ARID5B: variants seen among roughly 807,000 people sequenced by gnomAD.
The protein encoded by ARID5B is AT-rich interaction domain 5B.
Under a neutral mutation model 97.2 loss-of-function variants are expected in ARID5B, and 13 were observed. That is an observed-to-expected ratio of 0.13 (90% confidence interval 0.09 to 0.21). ARID5B has a LOEUF of 0.21. ARID5B is among the 10% of genes least tolerant of loss of function. The pLI, the probability that ARID5B is intolerant of heterozygous loss-of-function variation, is 1.00. For missense variants in ARID5B, 1,210 were observed against 1,465.3 expected (o/e 0.83, Z 2.84); for synonymous variants, 556 against 570.3 (o/e 0.97, Z 0.36).
rs138431137 is a variant in ARID5B, at chr10:61,975,543, C to T, written c.503-24548C>T. Among the ~76,000 whole-genome samples, 40 of 152,016 alleles carry T rather than the reference C, an allele frequency of 2.6e-4. No individual in the cohort carries two copies. The East Asian group carries it at 6.2e-3, about 23-fold the overall frequency. On this transcript the variant is annotated intron_variant, in intron 3 of 9. Transcript: ENST00000279873. The stretch of plus-strand genomic sequence containing the variant: ...CATCCTAGACAAGTCACTGAGTCTC[C>T]GATCCTCTTTTTTTTTTGGCTACCA...
intron 8 of ARID5B, among the ~76,000 whole-genome samples, chr10:62,078,664 G>A (rs544940261): frequency 1.3e-5 from 2 of 152,158 alleles, no homozygotes; most frequent in East Asian, 1.9e-4. Flanking sequence ...TTAATCCCTG[G>A]GACATAACAT....
chr10:62,089,394 G>A (rs922159114), intron 9 of ARID5B, among the ~76,000 whole-genome samples: 4 of 151,806 alleles, frequency 2.6e-5, no homozygotes, highest in Admixed American at 6.6e-5. Context: ...TTGTTCCCAC[G>A]TATTCCTAAA....
intron 4 of ARID5B, among the ~76,000 whole-genome samples, chr10:62,028,111 ATC>A (rs1279244209): frequency 2.0e-5 from 3 of 152,184 alleles, no homozygotes; most frequent in Admixed American, 2.0e-4. Flanking sequence ...CAAGAATCCT[ATC>A]TCATATTTCT....
At chr10:62,049,553 C>T (rs937410575) in intron 4 of ARID5B, 4 of 1,546,618 alleles carry the variant, frequency 2.6e-6, no homozygotes, top group Admixed American at 3.9e-5. Flanking sequence ...TCCAGGCTGG[C>T]TTTCTGGGAT....
chr10:62,042,065 G>A (rs556326212), intron 4 of ARID5B, among the ~76,000 whole-genome samples: 18 of 152,256 alleles, frequency 1.2e-4, no homozygotes, highest in African/African-American at 4.3e-4. Context: ...AAATCAAAAT[G>A]TCCTTAAAAC....
intron 8 of ARID5B, among the ~76,000 whole-genome samples, chr10:62,072,487 G>A (rs1244041232): frequency 6.6e-6 from 1 of 152,224 alleles, no homozygotes; most frequent in African/African-American, 2.4e-5. Context: ...GTACAGAAGG[G>A]TGGATTTGGA....
intron 3 of ARID5B, among the ~76,000 whole-genome samples, chr10:61,969,861 C>G (rs1838601327): frequency 6.6e-6 from 1 of 152,058 alleles, no homozygotes; most frequent in South Asian, 2.1e-4. Flanking sequence ...GTCTTGATTT[C>G]CGTACTAAAT....
In ARID5B at chr10:62,096,804, G is replaced by A. The variant is rs561825967; in HGVS notation, c.*3774G>A. The A allele has an allele frequency of 4.3e-6, 1 of 233,526 alleles. No homozygotes were observed. The highest frequency in any genetic ancestry group is 1.8e-4 in the South Asian group (1 of 5,524). The allele number at this position is 233,526 out of a possible 1,614,324, so 14.5% of individuals were successfully genotyped here. ...GAGCCAACTATAAACACTCAATTTT[G>A]TATGTTTTCCAAATTGTACTTATTA... is the stretch of plus-strand genomic sequence containing the variant. On this transcript the variant is annotated 3_prime_UTR_variant, in exon 10 of 10. Transcript: ENST00000279873.
At chr10:61,995,897 T>C (rs1453458655) in intron 3 of ARID5B, among the ~76,000 whole-genome samples, 3 of 152,150 alleles carry the variant, frequency 2.0e-5, no homozygotes, top group Non-Finnish European at 2.9e-5. Context: ...AATTGCAAGG[T>C]TGGAAATCTG....
intron 4 of ARID5B, among the ~76,000 whole-genome samples, chr10:62,006,734 G>A (rs1839151794): frequency 6.6e-6 from 1 of 152,102 alleles, no homozygotes; most frequent in Non-Finnish European, 1.5e-5. Context: ...ATTTCTCTTG[G>A]GAAAAGAATT....
Position 61,902,216 on chromosome 10 carries a change from T to A in ARID5B, c.79T>A (p.Phe27Ile), listed in dbSNP as rs202030299. ...GPYIFYKAFQ[F>I]HLEGKPRILS... ...TTACATTTTCTACAAGGCTTTTCAA[T>A]TCCACCTTGAAGGCAAACCAAGAAT... Residue 27 changes from phenylalanine (F) to isoleucine (I), a missense_variant, in exon 2 of 10, where the codon TTC becomes ATC. Phe to Ile is a conservative substitution (Grantham distance 21). Around this residue, in one of 8 missense-constraint regions of ARID5B, gnomAD observed 80 missense variants for 133.2 expected, o/e 0.60. Coordinates refer to ENST00000279873, the MANE Select transcript of ARID5B (RefSeq NM_032199.3). 1 of 1,613,940 alleles carries A rather than the reference T, an allele frequency of 6.2e-7. No homozygotes were observed. The highest frequency in any genetic ancestry group is 8.5e-7 in the Non-Finnish European group (1 of 1,180,038).
intron 8 of ARID5B, among the ~76,000 whole-genome samples, chr10:62,079,381 A>G (rs1193034486): frequency 1.3e-5 from 2 of 152,192 alleles, no homozygotes; most frequent in Non-Finnish European, 2.9e-5. Flanking sequence ...AAAATAATAT[A>G]TCTGTAGATA....
intron 2 of ARID5B, among the ~76,000 whole-genome samples, chr10:61,916,572 C>T (rs567803879): frequency 2.2e-4 from 34 of 152,186 alleles, no homozygotes; most frequent in Non-Finnish European, 2.9e-4. Context: ...CTCCATTTTG[C>T]GGGAGGGTAA....
At chr10:62,023,008 CAT>C (rs1302644989) in intron 4 of ARID5B, among the ~76,000 whole-genome samples, 1 of 152,168 alleles carries the variant, frequency 6.6e-6, no homozygotes, top group African/African-American at 2.4e-5. Context: ...GTCAAAGAAA[CAT>C]ATCTCTGTGT....
chr10:61,962,616 A>G (rs1217895304), intron 3 of ARID5B, among the ~76,000 whole-genome samples: 2 of 152,258 alleles, frequency 1.3e-5, no homozygotes, highest in African/African-American at 4.8e-5. Context: ...AAAGAAAAAG[A>G]TAATTCAGCT....
chr10:61,959,142 T>G (rs914582868), intron 3 of ARID5B, among the ~76,000 whole-genome samples: 3 of 152,244 alleles, frequency 2.0e-5, no homozygotes, highest in Non-Finnish European at 4.4e-5. Context: ...AATTTTAGAT[T>G]GCAAATGATA....
intron 3 of ARID5B, among the ~76,000 whole-genome samples, chr10:61,951,735 A>G (rs1193719171): frequency 6.6e-6 from 1 of 152,230 alleles, no homozygotes; most frequent in African/African-American, 2.4e-5. Flanking sequence ...GTATTTGTAT[A>G]TGTACCAATG....
At chr10:62,059,113 C>T in intron 6 of ARID5B, 130 bp from the exon 7 acceptor site, 2 of 646,726 alleles carry the variant, frequency 3.1e-6, no homozygotes, top group Non-Finnish European at 2.6e-6. Context: ...TTCCTAAGAA[C>T]TTAGCTCTCT....
intron 3 of ARID5B, among the ~76,000 whole-genome samples, chr10:61,961,119 C>A (rs186581322): frequency 3.3e-5 from 5 of 152,264 alleles, no homozygotes; most frequent in Admixed American, 3.3e-4. Context: ...ATTTATAAAG[C>A]AACTTTATAG....
Sources: allele counts gnomAD v4.1 joint callset (sites outside exome capture counted in the v4.1 genomes callset), GRCh38; gene constraint gnomAD v4.1.1; regional missense constraint gnomAD v4.1.1; transcripts MANE v1.5; gene names NCBI Gene and HGNC (gene_info 2026-07-23, HGNC 2026-07-21).